The following TTC39B variants were observed in gnomAD, a reference collection of about 807,000 sequenced individuals.
TTC39B encodes tetratricopeptide repeat domain 39B.
TTC39B carries 92 observed loss-of-function variants against 96.6 expected under a neutral mutation model. The observed-to-expected ratio is 0.95, with a 90% CI of 0.80 to 1.13. The LOEUF (loss-of-function observed/expected upper bound fraction) is 1.13, where lower values mean the gene tolerates loss of function less well. Ranked by LOEUF, TTC39B falls within the 50% of genes most tolerant of loss-of-function variation. The pLI is 0.00. For synonymous variants in TTC39B, 367 were observed against 299.4 expected, an observed-to-expected ratio of 1.23 and a Z score of -2.33; for missense variants, 955 against 809.3, an observed-to-expected ratio of 1.18 and a Z score of -2.18.
intron 8 of TTC39B, among the ~76,000 whole-genome samples, chr9:15,196,404 G>A (rs973352559): frequency 2.6e-5 from 4 of 152,312 alleles, no homozygotes; most frequent in Admixed American, 6.5e-5. Context: ...GAGAACATTC[G>A]TGATTCATGG....
chr9:15,195,670 C>CA (rs35318510), intron 8 of TTC39B, among the ~76,000 whole-genome samples: 28,126 of 65,316 alleles, frequency 0.43, 4,098 homozygotes, highest in Middle Eastern at 0.48. Flanking sequence ...ACTCCATCTC[C>CA]AAAAAAAAAA....
At chr9:15,234,411 G>T (rs1342765039) in intron 2 of TTC39B, among the ~76,000 whole-genome samples, 1 of 147,694 alleles carries the variant, frequency 6.8e-6, no homozygotes, top group Non-Finnish European at 1.5e-5. Flanking sequence ...GAGGTGGGGG[G>T]GTCAGCCCCC....
At position 15,260,623 on chromosome 9, in the gene TTC39B, G is replaced by GA. The variant is rs34331539; in HGVS notation, c.275+7290dup. On this transcript the variant is annotated intron_variant, in intron 2 of 19. Transcript: ENST00000512701. ...ACCAACTGATCTAACCTAATGAGGGGAAAAAAAAAATGGCCCTAAAAGCCT... is the reference window on the plus strand; with the variant it reads ...ACCAACTGATCTAACCTAATGAGGGGAAAAAAAAAAATGGCCCTAAAAGCCT... Among the ~76,000 whole-genome samples, 244 of 150,550 alleles carry GA rather than the reference G, an allele frequency of 1.6e-3. 2 individuals are homozygous for GA. Among genetic ancestry groups the GA allele is most frequent in the East Asian group, 7.9e-3 (40 of 5,088 alleles).
At chr9:15,240,552 A>G (rs1354161214) in intron 2 of TTC39B, among the ~76,000 whole-genome samples, 4 of 152,226 alleles carry the variant, frequency 2.6e-5, no homozygotes, top group Non-Finnish European at 4.4e-5. Flanking sequence ...ACAATAATGA[A>G]AAAAGTTAAG....
intron 10 of TTC39B, 42 bp downstream of exon 10, chr9:15,191,148 C>G: frequency 7.1e-7 from 1 of 1,413,940 alleles, no homozygotes; most frequent in Non-Finnish European, 1.0e-6. Context: ...TAAATACTGT[C>G]TTATCTTCCC....
At chr9:15,298,068 C>A (rs562341308) in intron 1 of TTC39B, among the ~76,000 whole-genome samples, 4 of 152,290 alleles carry the variant, frequency 2.6e-5, no homozygotes, top group African/African-American at 9.6e-5. Flanking sequence ...CCAGATAGAA[C>A]AAGAAGACAG....
intron 1 of TTC39B, among the ~76,000 whole-genome samples, chr9:15,290,105 AT>A (rs995059297): frequency 1.3e-5 from 2 of 152,094 alleles, no homozygotes; most frequent in African/African-American, 4.8e-5. Context: ...GTGATTTTTA[AT>A]TTTTTAATTA....
chr9:15,290,435 A>T (rs1587017624), intron 1 of TTC39B, among the ~76,000 whole-genome samples: 1 of 152,170 alleles, frequency 6.6e-6, no homozygotes, highest in Non-Finnish European at 1.5e-5. Context: ...CTCACAAGGA[A>T]ATGCCTTGTG....
Position 15,187,050 on chromosome 9 carries a change from G to A in TTC39B, c.1396-15C>T. On this transcript the variant is annotated splice_polypyrimidine_tract_variant and intron_variant, in intron 14 of 19. Transcript: ENST00000512701. The stretch of plus-strand genomic sequence containing the variant: ...ACATAAGTTGCCTTGAGAAAAAGAA[G>A]GAGCTTATTACAGAACATCCCTAGG... 3 of 1,601,638 alleles carry A rather than the reference G, an allele frequency of 1.9e-6. No individual in the cohort carries two copies. The highest frequency in any genetic ancestry group is 1.7e-6 in the Non-Finnish European group (2 of 1,172,488).
intron 16 of TTC39B, among the ~76,000 whole-genome samples, chr9:15,183,195 T>C (rs1347154410): frequency 6.6e-6 from 1 of 152,088 alleles, no homozygotes; most frequent in African/African-American, 2.4e-5. Context: ...GTAGTGGAAA[T>C]GAGGACGACA....
Position 15,199,734 on chromosome 9 carries a change from CAAAAAAAAAAAAAAAA to C in TTC39B, c.824+111_824+126del, listed in dbSNP as rs35361396. On this transcript the variant is annotated intron_variant, in intron 8 of 19. Transcript: ENST00000512701. ...TGGGTGACAGAGTGAGACTCCGTCT[CAAAAAAAAAAAAAAAA>C]AAAAAAAAAAAAAAAAAATCCTAGT... The C allele has an allele frequency of 3.7e-3, 258 of 70,668 alleles. 4 individuals are homozygous for C. The highest frequency in any genetic ancestry group is 0.018 in the Middle Eastern group (4 of 218). 4.4% of individuals were successfully genotyped at this position (70,668 alleles called of 1,614,324 possible). A position where few individuals can be genotyped will look rare whatever the true frequency, so the allele number is the denominator to read the frequency against.
intron 16 of TTC39B, among the ~76,000 whole-genome samples, chr9:15,183,122 T>A (rs1488051696): frequency 1.3e-5 from 2 of 152,166 alleles, no homozygotes; most frequent in Non-Finnish European, 2.9e-5. Context: ...GTAATTAGTA[T>A]CTTCTTGGAA....
intron 2 of TTC39B, chr9:15,232,530 T>C (rs1821484302): frequency 6.6e-6 from 1 of 151,964 alleles, no homozygotes; most frequent in African/African-American, 2.4e-5. Context: ...CTTAACCAAA[T>C]AAAAACTCAG....
intron 17 of TTC39B, among the ~76,000 whole-genome samples, chr9:15,178,176 CTTAA>C (rs1424601281): frequency 2.0e-5 from 3 of 151,934 alleles, no homozygotes; most frequent in Non-Finnish European, 2.9e-5. Flanking sequence ...GCCTTAAGAT[CTTAA>C]TTAAGAGAAA....
At chr9:15,222,653 T>C (rs569686898) in intron 3 of TTC39B, among the ~76,000 whole-genome samples, 27 of 152,304 alleles carry the variant, frequency 1.8e-4, no homozygotes, top group African/African-American at 6.5e-4. Context: ...CCAACCTTGA[T>C]TTGGTAACTA....
chr9:15,223,329 T>C (rs570426028), intron 3 of TTC39B, among the ~76,000 whole-genome samples: 1 of 152,130 alleles, frequency 6.6e-6, no homozygotes, highest in Non-Finnish European at 1.5e-5. Context: ...TTCTTAAAGG[T>C]GCACCAGCCC....
rs1393195401 is a variant in TTC39B at position 15,187,677 on chromosome 9, A to G, written c.1395+294T>C. Reference sequence around the variant, plus strand: ...ATCACACCATGTTGCCCTGGCTAGTATCAAACTCCTGACCTCAAGCCATCT... The same window carrying G: ...ATCACACCATGTTGCCCTGGCTAGTGTCAAACTCCTGACCTCAAGCCATCT... On this transcript the variant is annotated intron_variant, in intron 14 of 19. Coordinates refer to ENST00000512701, the Ensembl canonical transcript of TTC39B. 2.0e-5 allele frequency among the ~76,000 whole-genome samples: 3 copies of G among 152,334 alleles called. No individual in the cohort carries two copies. The South Asian group carries it at 6.2e-4, about 32-fold the overall frequency.
intron 2 of TTC39B, among the ~76,000 whole-genome samples, chr9:15,251,495 C>T (rs891723672): frequency 2.0e-5 from 3 of 151,590 alleles, no homozygotes; most frequent in East Asian, 2.0e-4. Context: ...TGGGTAGGTG[C>T]AGGTTGCGGT....
At chr9:15,169,724 T>C (rs934214343) in exon 20 of TTC39B, 4 of 152,172 alleles carry the variant, frequency 2.6e-5, no homozygotes, top group African/African-American at 9.6e-5. Context: ...GTCCATAGTA[T>C]CAGGTAACTG....
Sources: gnomAD v4.1 joint callset for allele counts (sites outside exome capture counted in the v4.1 genomes callset) on GRCh38, gnomAD v4.1.1 for gene constraint, MANE v1.5 for transcripts, NCBI Gene and HGNC (gene_info 2026-07-23, HGNC 2026-07-21) for gene names.